Variants in CXCL14 observed in about 807,000 individuals in gnomAD.
CXCL14 encodes the protein C-X-C motif chemokine ligand 14.
Under a neutral mutation model 16.1 loss-of-function variants are expected in CXCL14, and 9 were observed. The observed-to-expected ratio is 0.56, with a 90% confidence interval of 0.34 to 0.97. The LOEUF is 0.97. Among genes scored for constraint, CXCL14 ranks in the 50% least tolerant of loss-of-function variants. The pLI is 0.02. For missense variants in CXCL14, 111 were observed against 132.5 expected, an observed-to-expected ratio of 0.84 and a Z score of 0.80; for synonymous variants, 55 against 52.8, an observed-to-expected ratio of 1.04 and a Z score of -0.18.
chr5:135,576,894 G>C (rs1751107686), intron 2 of CXCL14, among the ~76,000 whole-genome samples: 1 of 152,136 alleles, frequency 6.6e-6, no homozygotes, highest in South Asian at 2.1e-4. Flanking sequence ...GGATTGTGGA[G>C]GGGGAGAGGA....
In CXCL14 at chr5:135,574,656, C is replaced by A. The variant is rs769556145; in HGVS notation, c.200G>T (p.Arg67Leu). ...GGGGTGCAGGCAGTGCTCCTGACCT[C>A]GGTACCTGGACACGCTCTTGGTGGT... is the stretch of plus-strand genomic sequence containing the variant. ...IITTKSVSRYRGQEHCLHPKL... is the reference protein window; with the variant it reads ...IITTKSVSRYLGQEHCLHPKL... Residue 67 changes from arginine (R) to leucine (L), a missense_variant, in exon 3 of 4, where the codon CGA (arginine) becomes CTA (leucine). Physicochemically the swap from Arg to Leu is moderately radical, Grantham distance 102 (BLOSUM62 -2). Coordinates refer to ENST00000512158, the MANE Select transcript of CXCL14 (RefSeq NM_004887.5). The A allele has an allele frequency of 6.2e-7, 1 of 1,613,760 alleles. No individual in the cohort carries two copies. Among genetic ancestry groups the A allele is most frequent in the East Asian group, 2.2e-5 (1 of 44,864 alleles).
intron 3 of CXCL14, among the ~76,000 whole-genome samples, chr5:135,574,324 T>C (rs1751066738): frequency 6.6e-6 from 1 of 152,220 alleles, no homozygotes; most frequent in African/African-American, 2.4e-5. Flanking sequence ...AGACAGACTT[T>C]AGTTTACAAA....
rs1317603131 is a variant in CXCL14, at chr5:135,574,687, T to C, written c.171-2A>G. ...CTGGACACGCTCTTGGTGGTGATGC[T>C]GAAACGGAGCAGGATGAGGTGGAGG... On this transcript the variant is annotated splice_acceptor_variant, in intron 2 of 3. Transcript: ENST00000512158. LOFTEE classifies it high-confidence loss of function. 1 of 1,612,218 alleles carries C rather than the reference T, an allele frequency of 6.2e-7. No homozygotes were observed. The highest frequency in any genetic ancestry group is 8.5e-7 in the Non-Finnish European group (1 of 1,178,636).
At position 135,571,694 on chromosome 5, in the gene CXCL14, C is replaced by T. The variant is rs1007843032; in HGVS notation, c.*159G>A. The T allele has an allele frequency of 7.0e-6, 5 of 718,848 alleles. No individual in the cohort carries two copies. The African/African-American group carries it at 7.9e-5, about 11-fold the overall frequency. 44.5% of individuals were successfully genotyped at this position (718,848 alleles called of 1,614,324 possible). The stretch of plus-strand genomic sequence containing the variant: ...AAAAACTGACCGTTGGTAAAAAGTG[C>T]TTCATAACAATATATAATTTGTGTC... On this transcript the variant is annotated 3_prime_UTR_variant, in exon 4 of 4. Coordinates refer to ENST00000512158, the MANE Select transcript of CXCL14 (RefSeq NM_004887.5).
chr5:135,578,301 A>G (rs190615569), intron 2 of CXCL14, 133 bp downstream of exon 2: 893 of 739,756 alleles, frequency 1.2e-3, no homozygotes, highest in Non-Finnish European at 1.5e-3. Flanking sequence ...TCTCTGGGCA[A>G]TTACAAAGGC....
intron 2 of CXCL14, among the ~76,000 whole-genome samples, chr5:135,576,120 A>G (rs1751093003): frequency 6.6e-6 from 1 of 152,122 alleles, no homozygotes; most frequent in Non-Finnish European, 1.5e-5. Flanking sequence ...GGTCCCTGCT[A>G]GGGCCTAAGC....
chr5:135,573,893 G>A (rs1751059996), intron 3 of CXCL14, among the ~76,000 whole-genome samples: 1 of 152,176 alleles, frequency 6.6e-6, no homozygotes, highest in African/African-American at 2.4e-5. Flanking sequence ...AACCAGAGAT[G>A]GGAAGCCACC....
Position 135,574,565 on chromosome 5 carries a change from G to T in CXCL14, c.284+7C>A, listed in dbSNP as rs1334678643. 23 of 1,608,188 alleles carry T rather than the reference G, an allele frequency of 1.4e-5. No individual in the cohort carries two copies. The highest frequency in any genetic ancestry group is 2.0e-5 in the Non-Finnish European group (23 of 1,176,724). On this transcript the variant is annotated splice_region_variant and intron_variant, in intron 3 of 3. Transcript: ENST00000512158. ...TGGGAAGGAAGGTGAGTAGAGGCGG[G>T]GCGTACCTGCGCTTCTCGTTCCAGG...
At chr5:135,574,785 G>A (rs1751075234) in intron 2 of CXCL14, 100 bp from the exon 3 acceptor site, 11 of 966,434 alleles carry the variant, frequency 1.1e-5, no homozygotes, top group Non-Finnish European at 1.6e-5. Context: ...AGGGCCCTGA[G>A]AGACTGTGGC....
In CXCL14 at chr5:135,574,563, G is replaced by A. The variant is rs762222233; in HGVS notation, c.284+9C>T. On this transcript the variant is annotated intron_variant, in intron 3 of 3. Coordinates refer to ENST00000512158, the MANE Select transcript of CXCL14 (RefSeq NM_004887.5). ...GGTGGGAAGGAAGGTGAGTAGAGGC[G>A]GGGCGTACCTGCGCTTCTCGTTCCA... is the stretch of plus-strand genomic sequence containing the variant. 8.1e-6 allele frequency: 13 copies of A among 1,606,418 alleles called. No homozygotes were observed. The highest frequency in any genetic ancestry group is 1.7e-5 in the Admixed American group (1 of 59,892).
intron 3 of CXCL14, among the ~76,000 whole-genome samples, chr5:135,573,580 G>C (rs917012037): frequency 6.6e-6 from 1 of 152,150 alleles, no homozygotes; most frequent in Non-Finnish European, 1.5e-5. Context: ...CTGGTTTGCT[G>C]TCCTGGCTTT....
chr5:135,578,660 G>A (rs2072347), intron 1 of CXCL14, 55 bp downstream of exon 1: 242,809 of 1,567,840 alleles, frequency 0.15, 20,116 homozygotes, highest in East Asian at 0.31. Context: ...TGGCGCTTGG[G>A]TTCCCCAGGA....
chr5:135,578,617 C>T, intron 1 of CXCL14, 78 bp from the exon 2 acceptor site: 1 of 1,595,178 alleles, frequency 6.3e-7, no homozygotes, highest in Non-Finnish European at 8.6e-7. Context: ...CCACCCAGAC[C>T]ACCCCCCGCG....
chr5:135,572,949 T>C (rs548310495), intron 3 of CXCL14, among the ~76,000 whole-genome samples: 15 of 152,262 alleles, frequency 9.9e-5, no homozygotes, highest in African/African-American at 3.4e-4. Flanking sequence ...ACCTCAACAC[T>C]CTAAGAAAGA....
At chr5:135,574,733 T>C (rs747497914) in intron 2 of CXCL14, 48 bp from the exon 3 acceptor site, 2 of 1,471,190 alleles carry the variant, frequency 1.4e-6, no homozygotes, top group Middle Eastern at 3.9e-4. Flanking sequence ...CTGAATAACA[T>C]GTTGCCTCTT....
Position 135,578,478 on chromosome 5 carries a change from C to T in CXCL14, c.126G>A (p.Leu42=), listed in dbSNP as rs182682697. 1.9e-6 allele frequency: 3 copies of T among 1,614,230 alleles called. No individual in the cohort carries two copies. Among genetic ancestry groups the T allele is most frequent in the East Asian group, 4.5e-5 (2 of 44,884 alleles). The part of the protein sequence containing the change: ...PKIRYSDVKK[L]EMKPKYPHCE... Reference sequence around the variant, plus strand: ...AGTGCGGGTACTTTGGCTTCATTTCCAGCTTCTTCACGTCGCTGTAGCGGA... The same window carrying T: ...AGTGCGGGTACTTTGGCTTCATTTCTAGCTTCTTCACGTCGCTGTAGCGGA... Residue 42 remains leucine, a synonymous_variant, in exon 2 of 4, where the codon CTG becomes CTA. Coordinates refer to ENST00000512158, the MANE Select transcript of CXCL14 (RefSeq NM_004887.5).
chr5:135,578,335 G>A (rs543893718), intron 2 of CXCL14, 99 bp downstream of exon 2: 13 of 988,852 alleles, frequency 1.3e-5, no homozygotes, highest in African/African-American at 1.1e-4. Flanking sequence ...TGACAAAGTC[G>A]GAGAGAAATG....
Position 135,570,879 on chromosome 5 carries a change from C to T in CXCL14, c.*974G>A, listed in dbSNP as rs537452641. Reference sequence around the variant, plus strand: ...AAGGGCGCATGGTCATCTTAGCTTTCGAAAGAGGACTGCACTGTTTAACAT... The same window carrying T: ...AAGGGCGCATGGTCATCTTAGCTTTTGAAAGAGGACTGCACTGTTTAACAT... On this transcript the variant is annotated 3_prime_UTR_variant, in exon 4 of 4. Transcript: ENST00000512158. The T allele has an allele frequency of 6.6e-6, 1 of 152,196 alleles. No individual in the cohort carries two copies. Among genetic ancestry groups the T allele is most frequent in the African/African-American group, 2.4e-5 (1 of 41,522 alleles). The allele number at this position is 152,196 out of a possible 1,614,324, so 9.4% of individuals were successfully genotyped here.
chr5:135,578,880 T>A lies in CXCL14; in HGVS notation c.-102A>T. 1 of 1,279,636 alleles carries A rather than the reference T, an allele frequency of 7.8e-7. No homozygotes were observed. The highest frequency in any genetic ancestry group is 2.9e-5 in the East Asian group (1 of 34,386). 79.3% of individuals were successfully genotyped at this position (1,279,636 alleles called of 1,614,324 possible). A position where few individuals can be genotyped will look rare whatever the true frequency, so the allele number is the denominator to read the frequency against. On this transcript the variant is annotated 5_prime_UTR_variant, in exon 1 of 4. Transcript: ENST00000512158. ...CCACCCAGCTCTGCTCGGCTTTCTC[T>A]GCCCGGGGCGCGCCTTCCGGCTCTG... is the stretch of plus-strand genomic sequence containing the variant.
Sources: gnomAD v4.1 joint callset for allele counts (sites outside exome capture counted in the v4.1 genomes callset) on GRCh38, gnomAD v4.1.1 for gene constraint, MANE v1.5 for transcripts, NCBI Gene and HGNC (gene_info 2026-07-23, HGNC 2026-07-21) for gene names.